SOX6: variants seen among roughly 807,000 people sequenced by gnomAD.
The protein encoded by SOX6 is SRY-box transcription factor 6, also known as transcription factor SOX-6.
SOX6 carries 11 observed loss-of-function variants against 97.8 expected under a neutral mutation model. The ratio of observed to expected loss-of-function variants is 0.11; its 90% CI spans 0.07 to 0.19. The LOEUF is 0.19. Ranked by LOEUF, SOX6 falls within the 10% of genes least tolerant of loss-of-function variation. The pLI is 1.00. For missense variants in SOX6, 810 were observed against 1,039.5 expected (o/e 0.78, Z 3.04); for synonymous variants, 360 against 371.4 (o/e 0.97, Z 0.35).
chr11:16,675,045 C>CA (rs796495180), intron 3 of SOX6, among the ~76,000 whole-genome samples: 9 of 152,230 alleles, frequency 5.9e-5, no homozygotes, highest in African/African-American at 2.2e-4. Context: ...GAAGTCTCCA[C>CA]AAAAAACTAC....
intron 7 of SOX6, 69 bp downstream of exon 7, chr11:16,111,734 T>A: frequency 1.9e-6 from 3 of 1,579,366 alleles, no homozygotes; most frequent in Non-Finnish European, 2.6e-6. Context: ...CTGTGTTTGT[T>A]GTGAGTACTA....
At chr11:16,145,063 A>G (rs1850254950) in intron 6 of SOX6, among the ~76,000 whole-genome samples, 1 of 152,190 alleles carries the variant, frequency 6.6e-6, no homozygotes, top group Non-Finnish European at 1.5e-5. Flanking sequence ...AGAATTTTCG[A>G]CCAATATCCC....
chr11:16,638,963 C>T (rs1254482322), intron 3 of SOX6, among the ~76,000 whole-genome samples: 2 of 152,146 alleles, frequency 1.3e-5, no homozygotes, highest in African/African-American at 2.4e-5. Context: ...GTTGCCATTG[C>T]TTTTGGTGTT....
At chr11:16,716,804 T>C (rs1265612512) in intron 2 of SOX6, among the ~76,000 whole-genome samples, 2 of 103,958 alleles carry the variant, frequency 1.9e-5, no homozygotes, top group African/African-American at 3.0e-5. Context: ...GGAAGTTAGA[T>C]ATAAAAAAAT....
intron 3 of SOX6, among the ~76,000 whole-genome samples, chr11:16,690,680 G>A (rs2134035595): frequency 6.6e-6 from 1 of 152,250 alleles, no homozygotes; most frequent in Middle Eastern, 3.4e-3. Context: ...TTCTGTCTTT[G>A]GAGGGTAAAA....
rs940443703 is a variant in SOX6 at position 16,367,488 on chromosome 11, T to C, written c.-4-26236A>G. 3.9e-5 allele frequency among the ~76,000 whole-genome samples: 6 copies of C among 152,158 alleles called. No homozygotes were observed. The East Asian group carries it at 1.2e-3, about 29-fold the overall frequency. On this transcript the variant is annotated intron_variant, in intron 1 of 15. Transcript: ENST00000396356. ...ACAAAGCGTAACCACATTTTCTCCC[T>C]TGGGGCTTAAAGGAAAGAACCTACT...
At chr11:16,117,167 G>A (rs1015810539) in intron 6 of SOX6, among the ~76,000 whole-genome samples, 7 of 152,054 alleles carry the variant, frequency 4.6e-5, no homozygotes, top group African/African-American at 1.7e-4. Flanking sequence ...GGTCAACATG[G>A]TGAGACCCCT....
At chr11:16,131,582 T>C (rs1474462246) in intron 6 of SOX6, among the ~76,000 whole-genome samples, 2 of 152,020 alleles carry the variant, frequency 1.3e-5, no homozygotes, top group African/African-American at 2.4e-5. Flanking sequence ...CTACAATTAA[T>C]CCACTCTTAG....
At chr11:16,158,558 T>C (rs1364734362) in intron 6 of SOX6, among the ~76,000 whole-genome samples, 1 of 151,988 alleles carries the variant, frequency 6.6e-6, no homozygotes, top group Non-Finnish European at 1.5e-5. Flanking sequence ...TGACTAAATG[T>C]GTATGCACAT....
intron 6 of SOX6, among the ~76,000 whole-genome samples, chr11:16,120,838 T>A (rs563941189): frequency 6.6e-6 from 1 of 152,200 alleles, no homozygotes; most frequent in South Asian, 2.1e-4. Flanking sequence ...AGATAACTAT[T>A]TAAAATCTAC....
At chr11:16,498,489 C>T (rs1860647362) in intron 4 of SOX6, among the ~76,000 whole-genome samples, 1 of 151,940 alleles carries the variant, frequency 6.6e-6, no homozygotes. Context: ...GGGCTAAATG[C>T]TCCAATTAAA....
At chr11:16,645,017 C>T (rs1759651102) in intron 3 of SOX6, among the ~76,000 whole-genome samples, 1 of 152,164 alleles carries the variant, frequency 6.6e-6, no homozygotes, top group Non-Finnish European at 1.5e-5. Context: ...CGTCTTTTCC[C>T]TAAGGATGTA....
intron 15 of SOX6, among the ~76,000 whole-genome samples, chr11:15,982,538 AG>A (rs1434783888): frequency 1.3e-5 from 2 of 152,050 alleles, no homozygotes; most frequent in African/African-American, 4.8e-5. Context: ...CCTTTTATAA[AG>A]TGGTATAGTA....
At chr11:16,409,557 C>T (rs1858755466) in intron 1 of SOX6, among the ~76,000 whole-genome samples, 1 of 152,194 alleles carries the variant, frequency 6.6e-6, no homozygotes, top group South Asian at 2.1e-4. Context: ...ACTGACTAAT[C>T]ATGAACACAG....
rs190961891 is a variant in SOX6 at position 16,501,411 on chromosome 11, G to A, written n.610-25023C>T. ...GGACATAGGCATGGGCAAGAACTTCGTGTCTAAAACACCAAATGCAATGGC... is the reference window on the plus strand; with the variant it reads ...GGACATAGGCATGGGCAAGAACTTCATGTCTAAAACACCAAATGCAATGGC... On this transcript the variant is annotated intron_variant and non_coding_transcript_variant, in intron 4 of 5. Transcript: ENST00000524520. Among the ~76,000 whole-genome samples the A allele has an allele frequency of 7.8e-3, 1,181 of 152,192 alleles. 15 individuals carry two copies. The highest frequency in any genetic ancestry group is 0.026 in the African/African-American group (1,062 of 41,534).
chr11:16,152,763 CT>C (rs5789940), intron 6 of SOX6, among the ~76,000 whole-genome samples: 70,648 of 148,098 alleles, frequency 0.48, 16,543 homozygotes, highest in Middle Eastern at 0.65. Flanking sequence ...ATTAGAATTA[CT>C]TTTTTTTTTT....
exon 2 of SOX6, chr11:16,736,389 T>A (rs978274253): frequency 5.3e-5 from 8 of 152,214 alleles, no homozygotes; most frequent in Non-Finnish European, 1.0e-4. Flanking sequence ...AATGTCCCAG[T>A]CTTTAGTATT....
intron 6 of SOX6, among the ~76,000 whole-genome samples, chr11:16,137,529 G>A (rs952103660): frequency 6.6e-6 from 1 of 152,176 alleles, no homozygotes; most frequent in Non-Finnish European, 1.5e-5. Flanking sequence ...GTCAAAAGAC[G>A]AGGCTGAGAT....
chr11:16,289,944 G>C (rs1415661320), intron 3 of SOX6, among the ~76,000 whole-genome samples: 1 of 151,990 alleles, frequency 6.6e-6, no homozygotes, highest in Non-Finnish European at 1.5e-5. Flanking sequence ...GTCTAATTAA[G>C]ATGATTAGAT....
Sources: allele counts gnomAD v4.1 joint callset (sites outside exome capture counted in the v4.1 genomes callset), GRCh38; gene constraint gnomAD v4.1.1; transcripts MANE v1.5; gene names NCBI Gene and HGNC (gene_info 2026-07-23, HGNC 2026-07-21).